Variants in NTNG2 observed in about 807,000 individuals in gnomAD.
NTNG2 encodes netrin-G2.
In NTNG2, 15 loss-of-function variants were observed where a neutral mutation model predicts 47.6. The ratio of observed to expected loss-of-function variants is 0.32; its 90% CI spans 0.21 to 0.49. The LOEUF (loss-of-function observed/expected upper bound fraction) is 0.49, where lower values mean the gene tolerates loss of function less well. NTNG2 is among the 20% of genes least tolerant of loss of function. The pLI, the probability that NTNG2 is intolerant of heterozygous loss-of-function variation, is 0.99. For missense variants in NTNG2, 578 were observed against 764.6 expected (o/e 0.76, Z 2.88); for synonymous variants, 307 against 324.6 (o/e 0.95, Z 0.58).
rs763163986 is a variant in NTNG2 at position 132,198,627 on chromosome 9, C to T, written c.857+18C>T. 1 of 1,595,598 alleles carries T rather than the reference C, an allele frequency of 6.3e-7. No individual in the cohort carries two copies. Among genetic ancestry groups the T allele is most frequent in the Admixed American group, 1.7e-5 (1 of 59,152 alleles). ...ATCGGCAGGTAAGGCCGGGGGAAGC[C>T]CTGGATGTCACCTGCAACCTGGGAT... is the stretch of plus-strand genomic sequence containing the variant. On this transcript the variant is annotated intron_variant, in intron 3 of 7. Coordinates refer to ENST00000393229, the MANE Select transcript of NTNG2 (RefSeq NM_032536.4).
chr9:132,168,413 T>A (rs553740897), intron 2 of NTNG2, among the ~76,000 whole-genome samples: 1 of 152,220 alleles, frequency 6.6e-6, no homozygotes, highest in East Asian at 1.9e-4. Flanking sequence ...CTCAGAGTCC[T>A]GAGGACTTGA....
chr9:132,229,002 A>C (rs1840998681), intron 4 of NTNG2, among the ~76,000 whole-genome samples: 1 of 151,968 alleles, frequency 6.6e-6, no homozygotes, highest in Non-Finnish European at 1.5e-5. Context: ...CAGTCTAGCC[A>C]GCGATGGATA....
chr9:132,173,451 A>T (rs1038298886), intron 2 of NTNG2, among the ~76,000 whole-genome samples: 1 of 152,170 alleles, frequency 6.6e-6, no homozygotes, highest in African/African-American at 2.4e-5. Flanking sequence ...CCCAGATGGG[A>T]CATCTTTCCA....
At chr9:132,181,557 C>A (rs1038815539) in intron 2 of NTNG2, among the ~76,000 whole-genome samples, 1 of 152,114 alleles carries the variant, frequency 6.6e-6, no homozygotes, top group Non-Finnish European at 1.5e-5. Context: ...TTAAGTGATC[C>A]GCCCACCTCA....
intron 3 of NTNG2, among the ~76,000 whole-genome samples, chr9:132,222,345 C>A (rs1248602567): frequency 6.6e-6 from 1 of 152,250 alleles, no homozygotes; most frequent in Admixed American, 6.5e-5. Context: ...CTGTCCCCCT[C>A]TGTGCCTTTC....
intron 2 of NTNG2, among the ~76,000 whole-genome samples, chr9:132,191,229 G>A (rs1482347925): frequency 1.3e-5 from 2 of 152,116 alleles, no homozygotes; most frequent in South Asian, 2.1e-4. Context: ...GACAGTCCAC[G>A]CCATGAAGTT....
At position 132,170,508 on chromosome 9, in the gene NTNG2, C is replaced by T. The variant is rs1564380746; in HGVS notation, c.213+3464C>T. Among the ~76,000 whole-genome samples the T allele has an allele frequency of 1.3e-5, 2 of 152,196 alleles. 1 individual carries two copies. Among genetic ancestry groups the T allele is most frequent in the Non-Finnish European group, 2.9e-5 (2 of 68,028 alleles). ...GGCGACGGGCAAAGGCATCTCAGCC[C>T]CTCACAGGGCAACTGCTGCTTGCAG... On this transcript the variant is annotated intron_variant, in intron 2 of 7. Transcript: ENST00000393229.
intron 2 of NTNG2, among the ~76,000 whole-genome samples, chr9:132,195,486 T>A (rs1462056058): frequency 6.8e-6 from 1 of 147,102 alleles, no homozygotes; most frequent in East Asian, 2.0e-4. Flanking sequence ...TTTTTTTTTT[T>A]TTTTTTTTTT....
At chr9:132,240,868 A>T in intron 6 of NTNG2, 42 bp from the exon 7 acceptor site, 1 of 1,612,014 alleles carries the variant, frequency 6.2e-7, no homozygotes, top group South Asian at 1.1e-5. Context: ...GACGGCGCCC[A>T]CACGTAGCCC....
intron 2 of NTNG2, among the ~76,000 whole-genome samples, chr9:132,193,786 T>C (rs1838072954): frequency 6.6e-6 from 1 of 152,098 alleles, no homozygotes; most frequent in South Asian, 2.1e-4. Flanking sequence ...GAGACCCAGG[T>C]GGCTTAAACA....
At chr9:132,214,364 A>G (rs1056223539) in intron 3 of NTNG2, among the ~76,000 whole-genome samples, 1 of 152,166 alleles carries the variant, frequency 6.6e-6, no homozygotes, top group Non-Finnish European at 1.5e-5. Context: ...CCTGCAGCGC[A>G]GGGCACGCTC....
At chr9:132,172,289 G>A (rs953860881) in intron 2 of NTNG2, among the ~76,000 whole-genome samples, 2 of 152,180 alleles carry the variant, frequency 1.3e-5, no homozygotes, top group Non-Finnish European at 2.9e-5. Context: ...GTGGGGTGAG[G>A]AGGCCCTCAT....
chr9:132,173,144 C>T (rs961051935), intron 2 of NTNG2, among the ~76,000 whole-genome samples: 6 of 152,066 alleles, frequency 3.9e-5, no homozygotes, highest in Non-Finnish European at 8.8e-5. Context: ...TGGATGAAGC[C>T]GGGAGGTTTG....
At chr9:132,168,551 G>A (rs1007813031) in intron 2 of NTNG2, among the ~76,000 whole-genome samples, 6 of 152,198 alleles carry the variant, frequency 3.9e-5, no homozygotes, top group African/African-American at 1.4e-4. Flanking sequence ...GCTGGGGAGA[G>A]AGAGAGGGAG....
intron 2 of NTNG2, among the ~76,000 whole-genome samples, chr9:132,178,049 CT>C (rs1836616658): frequency 6.6e-6 from 1 of 152,218 alleles, no homozygotes; most frequent in African/African-American, 2.4e-5. Flanking sequence ...GATTACTCTC[CT>C]GTTGTGCCCA....
intron 3 of NTNG2, among the ~76,000 whole-genome samples, chr9:132,220,483 CAG>C (rs1840282193): frequency 7.2e-6 from 1 of 137,936 alleles, no homozygotes; most frequent in African/African-American, 2.7e-5. Context: ...TTTTTTGAGA[CAG>C]AGTCTCGCTC....
rs1839546886 is a variant in NTNG2 at position 132,210,941 on chromosome 9, CT to C, written c.857+12333del. ...CCATTCACTCATCTGTAACATGCCCCTGACTCACACATAAACACACACCTGC... is the reference window on the plus strand; with the variant it reads ...CCATTCACTCATCTGTAACATGCCCCGACTCACACATAAACACACACCTGC... On this transcript the variant is annotated intron_variant, in intron 3 of 7. Coordinates refer to ENST00000393229, the MANE Select transcript of NTNG2 (RefSeq NM_032536.4). Among the ~76,000 whole-genome samples the C allele has an allele frequency of 2.0e-5, 3 of 152,314 alleles. No homozygotes were observed. The South Asian group carries it at 6.2e-4, about 32-fold the overall frequency.
intron 2 of NTNG2, among the ~76,000 whole-genome samples, chr9:132,193,763 C>T (rs190010408): frequency 4.1e-4 from 62 of 152,278 alleles, no homozygotes; most frequent in African/African-American, 1.4e-3. Context: ...GCCACCATAA[C>T]AAAGTAGCAC....
chr9:132,204,733 T>C (rs1397754273), intron 3 of NTNG2, among the ~76,000 whole-genome samples: 1 of 152,142 alleles, frequency 6.6e-6, no homozygotes, highest in Admixed American at 6.6e-5. Flanking sequence ...CCTGTGAGGA[T>C]CATTGTCCCC....
Sources: gnomAD v4.1 joint callset for allele counts (sites outside exome capture counted in the v4.1 genomes callset) on GRCh38, gnomAD v4.1.1 for gene constraint, MANE v1.5 for transcripts, NCBI Gene and HGNC (gene_info 2026-07-23, HGNC 2026-07-21) for gene names.